Variants in TYW5 observed in about 807,000 individuals in gnomAD.
TYW5 encodes tRNA wybutosine-synthesizing protein 5.
A neutral mutation model predicts 44.4 loss-of-function variants in TYW5; 36 were observed. That is an observed-to-expected ratio of 0.81 (90% CI 0.62 to 1.07). The LOEUF is 1.07. Among genes scored for constraint, TYW5 ranks in the 50% least tolerant of loss-of-function variants. The pLI, the probability that TYW5 is intolerant of heterozygous loss-of-function variation, is 0.00. For missense variants in TYW5, 354 were observed against 365.7 expected (o/e 0.97, Z 0.26); for synonymous variants, 121 against 128.1 (o/e 0.94, Z 0.37).
At chr2:199,938,852 T>C (rs1233013828) in intron 5 of TYW5, 81 bp downstream of exon 5, 9 of 1,411,164 alleles carry the variant, frequency 6.4e-6, no homozygotes, top group Admixed American at 4.8e-5. Flanking sequence ...GGGTAACCTA[T>C]AGGAAGTTGA....
rs559116313 is a variant in TYW5, at chr2:199,955,398, G to A, written c.73C>T (p.Pro25Ser). Reference protein sequence around the residue: ...SREQFMQHLYPQRKPLVLEGI... With the variant: ...SREQFMQHLYSQRKPLVLEGI... ...GCCCCGCGCGAGGGCCTCACCTGTGGGTAGAGGTGCTGCATGAACTGCTCC... is the reference window on the plus strand; with the variant it reads ...GCCCCGCGCGAGGGCCTCACCTGTGAGTAGAGGTGCTGCATGAACTGCTCC... The change falls in exon 1 of 8, where the codon CCA (proline) becomes TCA (serine). Residue 25 changes from proline (P) to serine (S), a missense_variant. By Grantham distance (74) the Pro-to-Ser change is moderately conservative. Coordinates refer to ENST00000354611, the MANE Select transcript of TYW5 (RefSeq NM_001039693.3). 39 of 1,613,612 alleles carry A rather than the reference G, an allele frequency of 2.4e-5. No homozygotes were observed. In the East Asian group the frequency reaches 8.5e-4, roughly 35 times the overall value.
At chr2:199,941,329 C>CT (rs1391010360) in intron 3 of TYW5, among the ~76,000 whole-genome samples, 1 of 152,226 alleles carries the variant, frequency 6.6e-6, no homozygotes, top group Admixed American at 6.5e-5. Flanking sequence ...GCATGAGCCA[C>CT]TGTGCGAGGC....
intron 2 of TYW5, chr2:199,946,392 TGA>T (rs1317127683): frequency 1.3e-5 from 2 of 152,136 alleles, no homozygotes; most frequent in Non-Finnish European, 2.9e-5. Flanking sequence ...TCAGAACTGA[TGA>T]GAGTACAATA....
Position 199,936,495 on chromosome 2 carries a change from G to A in TYW5, c.487-3C>T, listed in dbSNP as rs758042593. The A allele has an allele frequency of 6.2e-7, 1 of 1,610,530 alleles. No individual in the cohort carries two copies. Among genetic ancestry groups the A allele is most frequent in the Admixed American group, 1.7e-5 (1 of 59,800 alleles). ...TGTATTAACAAATTATCCATTACCT[G>A]AAGACCAATAAAAGCTTATGGGTAA... On this transcript the variant is annotated splice_polypyrimidine_tract_variant and splice_region_variant and intron_variant, in intron 5 of 7. Coordinates refer to ENST00000354611, the MANE Select transcript of TYW5 (RefSeq NM_001039693.3).
chr2:199,938,894 A>T (rs778859571), intron 5 of TYW5, 39 bp downstream of exon 5: 1 of 1,551,050 alleles, frequency 6.4e-7, no homozygotes, highest in Non-Finnish European at 8.7e-7. Context: ...AATGCTAAAG[A>T]TCTATTGTAG....
At chr2:199,942,483 C>T (rs372167694) in intron 3 of TYW5, 80 of 152,280 alleles carry the variant, frequency 5.3e-4, no homozygotes, top group African/African-American at 1.9e-3. Context: ...TCTTTTACCA[C>T]GTGTCTATTT....
intron 1 of TYW5, among the ~76,000 whole-genome samples, chr2:199,951,298 T>C (rs892421950): frequency 2.6e-5 from 4 of 152,198 alleles, no homozygotes; most frequent in Non-Finnish European, 5.9e-5. Context: ...TAGAATTCAG[T>C]TTGTTTTCAG....
chr2:199,932,800 T>C lies in TYW5; in HGVS notation c.*267A>G, dbSNP rs2077389722. The C allele has an allele frequency of 2.4e-6, 1 of 409,092 alleles. No individual in the cohort carries two copies. Among genetic ancestry groups the C allele is most frequent in the African/African-American group, 2.0e-5 (1 of 49,118 alleles). 25.3% of individuals were successfully genotyped at this position (409,092 alleles called of 1,614,324 possible). On this transcript the variant is annotated 3_prime_UTR_variant, in exon 8 of 8. Transcript: ENST00000354611. The stretch of plus-strand genomic sequence containing the variant: ...CTGCAGCACATTCTGTCAATAGATT[T>C]CATGTATTGTGAATCAATATATTTT...
At chr2:199,941,925 T>C (rs986631752) in intron 3 of TYW5, 2 of 152,228 alleles carry the variant, frequency 1.3e-5, no homozygotes, top group African/African-American at 4.8e-5. Flanking sequence ...TCATAGGCAG[T>C]CTGCTCAGGA....
chr2:199,938,929 A>G lies in TYW5; in HGVS notation c.486+4T>C. ...GCTTTAAATTTCTCATTTATGTAGCATACATCATAATGAGTCCATAGTTGT... is the reference window on the plus strand; with the variant it reads ...GCTTTAAATTTCTCATTTATGTAGCGTACATCATAATGAGTCCATAGTTGT... On this transcript the variant is annotated splice_donor_region_variant and intron_variant, in intron 5 of 7. Transcript: ENST00000354611. The G allele has an allele frequency of 6.3e-7, 1 of 1,597,400 alleles. No homozygotes were observed. Among genetic ancestry groups the G allele is most frequent in the South Asian group, 1.1e-5 (1 of 88,718 alleles).
At chr2:199,938,068 AT>A (rs1255806141) in intron 5 of TYW5, among the ~76,000 whole-genome samples, 184 of 144,222 alleles carry the variant, frequency 1.3e-3, no homozygotes, top group Admixed American at 1.7e-3. Flanking sequence ...ATCAAGATCA[AT>A]TTTTTTTTTT....
intron 1 of TYW5, among the ~76,000 whole-genome samples, chr2:199,952,016 CAAAA>C (rs557573511): frequency 9.2e-6 from 1 of 108,700 alleles, no homozygotes; most frequent in African/African-American, 3.4e-5. Context: ...GACTCCGTCT[CAAAA>C]AAAAAAAAAA....
At chr2:199,936,367 T>C (rs1052106435) in intron 6 of TYW5, 38 bp downstream of exon 6, 3 of 1,532,454 alleles carry the variant, frequency 2.0e-6, no homozygotes, top group African/African-American at 1.4e-5. Context: ...AGTAACTGAA[T>C]AGACTTTTGA....
intron 5 of TYW5, among the ~76,000 whole-genome samples, chr2:199,937,894 T>TA (rs1329449404): frequency 6.8e-6 from 1 of 147,786 alleles, no homozygotes; most frequent in Non-Finnish European, 1.5e-5. Context: ...ATTTAGAACT[T>TA]AAAAATTTTT....
intron 1 of TYW5, among the ~76,000 whole-genome samples, chr2:199,953,237 C>T (rs1037642498): frequency 6.6e-6 from 1 of 151,996 alleles, no homozygotes; most frequent in Non-Finnish European, 1.5e-5. Flanking sequence ...GCAGGAGAAT[C>T]GCTTGAACCC....
chr2:199,949,752 T>G (rs1002580479), intron 1 of TYW5, among the ~76,000 whole-genome samples: 2 of 152,226 alleles, frequency 1.3e-5, no homozygotes, highest in African/African-American at 4.8e-5. Flanking sequence ...TGTTTTGCTA[T>G]GATGAGTGCA....
Position 199,938,996 on chromosome 2 carries a change from T to G in TYW5, c.423A>C (p.Glu141Asp), listed in dbSNP as rs747251495. 6.2e-7 allele frequency: 1 copy of G among 1,613,792 alleles called. No individual in the cohort carries two copies. Among genetic ancestry groups the G allele is most frequent in the Admixed American group, 1.7e-5 (1 of 59,964 alleles). ...DIKFPEFFKE[E>D]QFFSSVFRIS... is the part of the protein sequence containing the mutation. ...TTCGAAAAACACTGGAAAAGAACTG[T>G]TCCTCTTTGAAGAATTCTGGAAACT... Residue 141 changes from glutamate (E) to aspartate (D), a missense_variant, in exon 5 of 8, where the codon GAA becomes GAC. By Grantham distance (45) the Glu-to-Asp change is conservative (BLOSUM62 2). Transcript: ENST00000354611.
At chr2:199,947,834 G>T (rs1375724908) in intron 2 of TYW5, 1 of 159,866 alleles carries the variant, frequency 6.3e-6, no homozygotes, top group Admixed American at 6.2e-5. Flanking sequence ...GCTCATGCCT[G>T]TAATCCCAGC....
chr2:199,936,580 C>T lies in TYW5; in HGVS notation c.487-88G>A, dbSNP rs1018942197. On this transcript the variant is annotated intron_variant, in intron 5 of 7. Transcript: ENST00000354611. ...GCATGCTAAACTTTAACTGCAAACC[C>T]GATCCTTTAATGAGACTTGACTTAC... 4.5e-5 allele frequency: 48 copies of T among 1,063,382 alleles called. No homozygotes were observed. The East Asian group carries it at 9.2e-4, about 20-fold the overall frequency. The allele number at this position is 1,063,382 out of a possible 1,614,324, so 65.9% of individuals were successfully genotyped here.
Sources: gnomAD v4.1 joint callset for allele counts (sites outside exome capture counted in the v4.1 genomes callset) on GRCh38, gnomAD v4.1.1 for gene constraint, MANE v1.5 for transcripts, NCBI Gene and HGNC (gene_info 2026-07-23, HGNC 2026-07-21) for gene names.